Variants in ARID2 observed in about 807,000 individuals in gnomAD.
ARID2 encodes AT-rich interactive domain-containing protein 2.
In ARID2, 32 loss-of-function variants were observed where a neutral mutation model predicts 184.6. The ratio of observed to expected loss-of-function variants is 0.17; its 90% CI spans 0.13 to 0.23. The LOEUF (loss-of-function observed/expected upper bound fraction) is 0.23, where lower values mean the gene tolerates loss of function less well. Ranked by LOEUF, ARID2 falls within the 10% of genes least tolerant of loss-of-function variation. The pLI is 1.00. For synonymous variants in ARID2, 836 were observed against 772.6 expected (o/e 1.08, Z -1.36); for missense variants, 1,696 against 2,197.6 (o/e 0.77, Z 4.56).
At chr12:45,748,478 G>A (rs1239097799) in intron 3 of ARID2, among the ~76,000 whole-genome samples, 2 of 152,186 alleles carry the variant, frequency 1.3e-5, no homozygotes, top group East Asian at 1.9e-4. Context: ...CTTTTTACTG[G>A]TGAAAGGTCT....
chr12:45,767,057 C>T (rs78149599), intron 3 of ARID2, among the ~76,000 whole-genome samples: 3,799 of 152,292 alleles, frequency 0.025, 84 homozygotes, highest in Admixed American at 0.045. Context: ...TGTTGTCACT[C>T]AACATGGCCA....
At chr12:45,774,994 A>G (rs1941947887) in intron 3 of ARID2, among the ~76,000 whole-genome samples, 1 of 152,148 alleles carries the variant, frequency 6.6e-6, no homozygotes, top group South Asian at 2.1e-4. Flanking sequence ...CATTTAGTGA[A>G]TAGTGGCTAG....
At chr12:45,784,508 T>C (rs954205648) in intron 3 of ARID2, among the ~76,000 whole-genome samples, 1 of 152,138 alleles carries the variant, frequency 6.6e-6, no homozygotes, top group East Asian at 1.9e-4. Context: ...TGAAACACCA[T>C]CTCTACAAAA....
At chr12:45,753,587 T>TA (rs1941509089) in intron 3 of ARID2, among the ~76,000 whole-genome samples, 1 of 152,216 alleles carries the variant, frequency 6.6e-6, no homozygotes, top group Admixed American at 6.5e-5. Flanking sequence ...GTAATTGATC[T>TA]AAAACATAAT....
intron 5 of ARID2, among the ~76,000 whole-genome samples, chr12:45,820,732 A>G (rs1213783728): frequency 6.6e-6 from 1 of 152,192 alleles, no homozygotes; most frequent in Non-Finnish European, 1.5e-5. Flanking sequence ...AATTCGAGCT[A>G]GCAGCATGAA....
intron 3 of ARID2, among the ~76,000 whole-genome samples, chr12:45,798,039 T>TA (rs1942422819): frequency 6.6e-6 from 1 of 152,166 alleles, no homozygotes; most frequent in South Asian, 2.1e-4. Context: ...AGCATATAGC[T>TA]AATCTTCTTT....
chr12:45,829,203 AT>A (rs1035837308), intron 6 of ARID2, among the ~76,000 whole-genome samples: 12 of 152,146 alleles, frequency 7.9e-5, no homozygotes, highest in African/African-American at 2.9e-4. Context: ...CCAATCATAT[AT>A]GTATAGATCT....
At chr12:45,859,105 T>C (rs191513018) in intron 15 of ARID2, among the ~76,000 whole-genome samples, 10 of 152,368 alleles carry the variant, frequency 6.6e-5, no homozygotes, top group Non-Finnish European at 2.9e-5. Context: ...AATTTTAGCT[T>C]ACTGCTTTCC....
chr12:45,793,725 T>G (rs1592080304), intron 3 of ARID2, among the ~76,000 whole-genome samples: 1 of 151,806 alleles, frequency 6.6e-6, no homozygotes, highest in Admixed American at 6.6e-5. Flanking sequence ...CAGCAAGATA[T>G]TCTACATATA....
intron 3 of ARID2, among the ~76,000 whole-genome samples, chr12:45,762,850 A>C (rs1941706334): frequency 1.3e-5 from 2 of 152,240 alleles, no homozygotes; most frequent in African/African-American, 4.8e-5. Context: ...GAGATAAGAG[A>C]ACAAGTTTAT....
chr12:45,886,551 G>C (rs978516967), intron 16 of ARID2, among the ~76,000 whole-genome samples: 2 of 152,220 alleles, frequency 1.3e-5, no homozygotes, highest in African/African-American at 4.8e-5. Flanking sequence ...GCTCTGACCT[G>C]CCCTAGCAGA....
chr12:45,791,229 T>C (rs1247119198), intron 3 of ARID2, among the ~76,000 whole-genome samples: 2 of 152,062 alleles, frequency 1.3e-5, no homozygotes, highest in Non-Finnish European at 2.9e-5. Context: ...TGTGTGTGTG[T>C]GTGTGGTAGC....
rs1459529899 is a variant in ARID2 at position 45,852,001 on chromosome 12, T to G, written c.3878T>G (p.Leu1293Arg). Residue 1293 changes from leucine to arginine, a missense_variant, in exon 15 of 21, where the codon CTT becomes CGT. This residue lies in a region of ARID2 where 428 missense variants were observed against 409.1 expected (regional missense o/e 1.05). Coordinates refer to ENST00000334344, the MANE Select transcript of ARID2 (RefSeq NM_152641.4). The part of the protein sequence containing the change: ...TKENEMHVGS[L>R]LNGRKYSDSS... ...GAAAATGAAATGCATGTGGGAAGTC[T>G]TTTAAATGGGAGAAAGTACAGTGAC... is the stretch of plus-strand genomic sequence containing the variant. 3 of 1,614,018 alleles carry G rather than the reference T, an allele frequency of 1.9e-6. No homozygotes were observed. Among genetic ancestry groups the G allele is most frequent in the African/African-American group, 1.3e-5 (1 of 74,938 alleles).
chr12:45,831,029 A>T (rs2138115094), intron 6 of ARID2, among the ~76,000 whole-genome samples: 1 of 151,828 alleles, frequency 6.6e-6, no homozygotes, highest in East Asian at 1.9e-4. Flanking sequence ...CTAGTGACAG[A>T]ACGAGACTCT....
intron 16 of ARID2, among the ~76,000 whole-genome samples, chr12:45,889,919 CAG>C (rs1380689389): frequency 6.6e-5 from 10 of 152,320 alleles, no homozygotes; most frequent in African/African-American, 1.9e-4. Flanking sequence ...GCCTGGGTGA[CAG>C]AGCAAGACTC....
At chr12:45,747,114 C>G (rs1362804816) in intron 3 of ARID2, among the ~76,000 whole-genome samples, 1 of 152,106 alleles carries the variant, frequency 6.6e-6, no homozygotes, top group African/African-American at 2.4e-5. Context: ...ATACTGTCTT[C>G]CCCCAATTCA....
At chr12:45,817,137 CA>C (rs1170487746) in intron 4 of ARID2, among the ~76,000 whole-genome samples, 1 of 152,140 alleles carries the variant, frequency 6.6e-6, no homozygotes, top group Non-Finnish European at 1.5e-5. Flanking sequence ...CGGAGAATTG[CA>C]TAAACTCGGT....
chr12:45,795,614 T>G (rs1476131913), intron 3 of ARID2, among the ~76,000 whole-genome samples: 2 of 151,954 alleles, frequency 1.3e-5, no homozygotes, highest in African/African-American at 4.8e-5. Context: ...TTTTTGTATT[T>G]TTTACTAGAG....
chr12:45,784,583 G>C (rs1191360068), intron 3 of ARID2, among the ~76,000 whole-genome samples: 1 of 152,156 alleles, frequency 6.6e-6, no homozygotes, highest in Non-Finnish European at 1.5e-5. Context: ...AAGATCACTT[G>C]AGCCCAGGAG....
Sources: gnomAD v4.1 joint callset for allele counts (sites outside exome capture counted in the v4.1 genomes callset) on GRCh38, gnomAD v4.1.1 for gene constraint, gnomAD v4.1.1 regional missense constraint, MANE v1.5 for transcripts, NCBI Gene and HGNC (gene_info 2026-07-23, HGNC 2026-07-21) for gene names.